The following WDR7 variants were observed in gnomAD, a reference collection of about 807,000 sequenced individuals.
WDR7 encodes the protein WD repeat-containing protein 7.
WDR7 carries 46 observed loss-of-function variants against 169.4 expected under a neutral mutation model. That is an observed-to-expected ratio of 0.27 (90% CI 0.21 to 0.35). The LOEUF is 0.35. Ranked by LOEUF, WDR7 falls within the 10% of genes least tolerant of loss-of-function variation. WDR7 has a pLI of 1.00. For missense variants in WDR7, 1,534 were observed against 1,859.3 expected, an observed-to-expected ratio of 0.83 and a Z score of 3.22; for synonymous variants, 612 against 666.8, an observed-to-expected ratio of 0.92 and a Z score of 1.27.
At chr18:57,006,604 A>C (rs188877448) in intron 26 of WDR7, among the ~76,000 whole-genome samples, 147 of 152,330 alleles carry the variant, frequency 9.7e-4, no homozygotes, top group African/African-American at 3.4e-3. Flanking sequence ...TTCCTCTAAA[A>C]TTTAATTTTA....
intron 2 of WDR7, among the ~76,000 whole-genome samples, chr18:56,673,784 A>G (rs1206442151): frequency 3.3e-5 from 5 of 151,900 alleles, no homozygotes; most frequent in Non-Finnish European, 7.4e-5. Flanking sequence ...TACTCGTACC[A>G]CTGCACTCCA....
chr18:56,674,244 A>G (rs1428481928), intron 2 of WDR7, among the ~76,000 whole-genome samples: 1 of 152,186 alleles, frequency 6.6e-6, no homozygotes, highest in Non-Finnish European at 1.5e-5. Context: ...ATCATTTTGC[A>G]TTCCCATCAG....
At chr18:56,912,115 T>C (rs2046561090) in intron 21 of WDR7, among the ~76,000 whole-genome samples, 1 of 152,126 alleles carries the variant, frequency 6.6e-6, no homozygotes, top group Non-Finnish European at 1.5e-5. Flanking sequence ...TGAAGATGCA[T>C]TCCTGTAGAA....
intron 13 of WDR7, among the ~76,000 whole-genome samples, chr18:56,721,057 T>A (rs1448749378): frequency 6.6e-6 from 1 of 151,898 alleles, no homozygotes; most frequent in Non-Finnish European, 1.5e-5. Context: ...ATTAAATAAA[T>A]AAAAAATGAA....
intron 19 of WDR7, among the ~76,000 whole-genome samples, chr18:56,813,640 A>G (rs984331265): frequency 6.6e-6 from 1 of 151,974 alleles, no homozygotes; most frequent in Non-Finnish European, 1.5e-5. Flanking sequence ...ATGGTATATA[A>G]TTCTTTTCAT....
At position 56,742,056 on chromosome 18, in the gene WDR7, T is replaced by G. The variant is rs182205125; in HGVS notation, c.1989+10459T>G. Among the ~76,000 whole-genome samples, 632 of 152,378 alleles carry G rather than the reference T, an allele frequency of 4.1e-3. 2 individuals are homozygous for G. The highest frequency in any genetic ancestry group is 7.2e-3 in the Non-Finnish European group (490 of 68,036). Reference sequence around the variant, plus strand: ...ATACTAAATATAATTCATCATATTCTGAGCCAAGGGGAAGCAGTCTTGTTC... The same window carrying G: ...ATACTAAATATAATTCATCATATTCGGAGCCAAGGGGAAGCAGTCTTGTTC... On this transcript the variant is annotated intron_variant, in intron 14 of 27. Coordinates refer to ENST00000254442, the MANE Select transcript of WDR7 (RefSeq NM_015285.3).
At chr18:56,986,245 G>A (rs962058503) in intron 26 of WDR7, among the ~76,000 whole-genome samples, 1 of 151,068 alleles carries the variant, frequency 6.6e-6, no homozygotes, top group Non-Finnish European at 1.5e-5. Context: ...CTGTAATACT[G>A]ATAGCGATAT....
chr18:56,939,160 C>T, intron 24 of WDR7, 151 bp from the exon 25 acceptor site: 1 of 507,450 alleles, frequency 2.0e-6, no homozygotes, highest in East Asian at 3.4e-5. Context: ...CTGTAGTATA[C>T]ACATGGCTTA....
At chr18:56,665,306 A>AAAAAAAG (rs1555674550) in intron 1 of WDR7, among the ~76,000 whole-genome samples, 1 of 133,380 alleles carries the variant, frequency 7.5e-6, no homozygotes. Flanking sequence ...AAAAAAAAAA[A>AAAAAAAG]AAGAAGAAGA....
In WDR7 at chr18:56,861,446, C is replaced by T. The variant is rs2045803112; in HGVS notation, c.3305-18498C>T. Among the ~76,000 whole-genome samples the T allele has an allele frequency of 3.9e-5, 6 of 152,298 alleles. 1 individual carries two copies. Among genetic ancestry groups the T allele is most frequent in the African/African-American group, 1.4e-4 (6 of 41,586 alleles). On this transcript the variant is annotated intron_variant, in intron 20 of 27. Coordinates refer to ENST00000254442, the MANE Select transcript of WDR7 (RefSeq NM_015285.3). Reference sequence around the variant, plus strand: ...AAAGACAGCGATTGGGCCTCCTGTTCTTGTATTAGTCCACAACTTAGCATT... The same window carrying T: ...AAAGACAGCGATTGGGCCTCCTGTTTTTGTATTAGTCCACAACTTAGCATT...
chr18:56,975,382 T>C (rs1397522645), intron 26 of WDR7, among the ~76,000 whole-genome samples: 2 of 152,062 alleles, frequency 1.3e-5, no homozygotes, highest in Non-Finnish European at 2.9e-5. Flanking sequence ...TTCCAGGGAC[T>C]GTAAGGTTTT....
chr18:56,715,659 C>T (rs1429293881), intron 12 of WDR7, among the ~76,000 whole-genome samples: 1 of 151,998 alleles, frequency 6.6e-6, no homozygotes, highest in East Asian at 1.9e-4. Flanking sequence ...CATAGAGGCT[C>T]TATTAAATAT....
At chr18:56,815,000 A>G (rs1475916231) in intron 19 of WDR7, among the ~76,000 whole-genome samples, 1 of 152,096 alleles carries the variant, frequency 6.6e-6, no homozygotes, top group Non-Finnish European at 1.5e-5. Flanking sequence ...TGGATCTGTT[A>G]CGGTGGTTTG....
intron 26 of WDR7, among the ~76,000 whole-genome samples, chr18:56,998,214 G>A (rs1161027066): frequency 2.0e-5 from 3 of 152,130 alleles, no homozygotes; most frequent in African/African-American, 7.2e-5. Flanking sequence ...TTGTGCCTGT[G>A]TTACTCTCTC....
chr18:56,797,826 G>A lies in WDR7; in HGVS notation c.3190+16170G>A, dbSNP rs74389336. 2.9e-3 allele frequency among the ~76,000 whole-genome samples: 439 copies of A among 152,236 alleles called. 4 individuals carry two copies. The highest frequency in any genetic ancestry group is 0.01 in the African/African-American group (422 of 41,548). ...AACAAATTGTATTTTGCACATACAT[G>A]GAGCACAGCATTGTTCTGGATGCTG... On this transcript the variant is annotated intron_variant, in intron 19 of 27. Coordinates refer to ENST00000254442, the MANE Select transcript of WDR7 (RefSeq NM_015285.3).
intron 16 of WDR7, among the ~76,000 whole-genome samples, chr18:56,770,676 C>T (rs2044140410): frequency 6.6e-6 from 1 of 152,110 alleles, no homozygotes; most frequent in South Asian, 2.1e-4. Flanking sequence ...GTCTTGTGTA[C>T]CTGTTGGGCT....
In WDR7 at chr18:56,756,463, G is replaced by A. The variant is rs1244328118; in HGVS notation, c.1990-120G>A. 4.5e-6 allele frequency: 4 copies of A among 879,552 alleles called. No individual in the cohort carries two copies. In the East Asian group the frequency reaches 1.1e-4, roughly 24 times the overall value. 54.5% of individuals were successfully genotyped at this position (879,552 alleles called of 1,614,324 possible). ...TTAGTATGTTACTTTTCATGATATA[G>A]GTTCCTAGAAGGACAGCTTAATAAG... On this transcript the variant is annotated intron_variant, in intron 14 of 27. Coordinates refer to ENST00000254442, the MANE Select transcript of WDR7 (RefSeq NM_015285.3).
chr18:56,956,798 C>G (rs1188424395), intron 25 of WDR7, among the ~76,000 whole-genome samples: 1 of 152,102 alleles, frequency 6.6e-6, no homozygotes, highest in African/African-American at 2.4e-5. Context: ...TTTTTCTTTA[C>G]ATTAAGAATG....
At chr18:56,724,448 G>A (rs2026396257) in intron 13 of WDR7, among the ~76,000 whole-genome samples, 1 of 151,796 alleles carries the variant, frequency 6.6e-6, no homozygotes, top group Admixed American at 6.6e-5. Context: ...CTGACCTCAG[G>A]TGATCCACCT....
Sources: allele counts gnomAD v4.1 joint callset (sites outside exome capture counted in the v4.1 genomes callset), GRCh38; gene constraint gnomAD v4.1.1; transcripts MANE v1.5; gene names NCBI Gene and HGNC (gene_info 2026-07-23, HGNC 2026-07-21).